Variants in CMTM4 observed in about 807,000 individuals in gnomAD.
CMTM4 encodes the protein CKLF like MARVEL transmembrane domain containing 4.
Under a neutral mutation model 19.0 loss-of-function variants are expected in CMTM4, and 8 were observed. That is an observed-to-expected ratio of 0.42 (90% CI 0.25 to 0.76). The LOEUF (loss-of-function observed/expected upper bound fraction) is 0.76. CMTM4 is among the 30% of genes least tolerant of loss of function. The probability of loss-of-function intolerance (pLI) is 0.27; values close to 1 mark genes in which losing one functional copy is unlikely to be tolerated. For synonymous variants in CMTM4, 106 were observed against 121.1 expected (o/e 0.88, Z 0.82); for missense variants, 228 against 290.2 (o/e 0.79, Z 1.56).
the CMTM4 span, among the ~76,000 whole-genome samples, chr16:66,598,844 T>C: frequency 6.6e-6 from 1 of 152,088 alleles, no homozygotes; most frequent in Non-Finnish European, 1.5e-5. Flanking sequence ...GTTCAGGCTA[T>C]AAAAATTACG....
intron 1 of CMTM4, among the ~76,000 whole-genome samples, chr16:66,668,995 A>G (rs2016655034): frequency 6.6e-6 from 1 of 152,220 alleles, no homozygotes; most frequent in East Asian, 1.9e-4. Flanking sequence ...TATTAACCCC[A>G]GTGAGATAAA....
intron 1 of CMTM4, among the ~76,000 whole-genome samples, chr16:66,689,269 G>A (rs1052204524): frequency 1.3e-5 from 2 of 152,156 alleles, no homozygotes; most frequent in African/African-American, 4.8e-5. Flanking sequence ...AATGTTAGCT[G>A]TAGATTTTTT....
downstream of CMTM4, among the ~76,000 whole-genome samples, chr16:66,614,142 G>A (rs374326703): frequency 1.3e-5 from 2 of 152,226 alleles, no homozygotes; most frequent in South Asian, 4.1e-4. This position sits in a 1 kb window ranked among gnomAD's most constrained non-coding sequence, Gnocchi z 4.9. Context: ...AATCTGACAG[G>A]AGGCAGAGCT....
At chr16:66,613,464 T>G (rs1474006750), downstream of CMTM4, 7 of 295,618 alleles carry the variant, frequency 2.4e-5, no homozygotes, top group Non-Finnish European at 4.5e-5. Flanking sequence ...GACAGTGAAC[T>G]TCCAGACCTC....
At chr16:66,668,939 G>A (rs2144876543) in intron 1 of CMTM4, among the ~76,000 whole-genome samples, 1 of 152,314 alleles carries the variant, frequency 6.6e-6, no homozygotes, top group Middle Eastern at 3.4e-3. Context: ...GCTGTTTCCT[G>A]TACAGTGAAA....
downstream of CMTM4, chr16:66,611,014 C>T (rs1439448771): frequency 1.5e-5 from 6 of 397,718 alleles, no homozygotes; most frequent in African/African-American, 1.2e-4. Context: ...GCAAGTGATC[C>T]CAGACAACCA....
chr16:66,622,222 T>C lies in CMTM4; in HGVS notation c.463A>G (p.Ile155Val), dbSNP rs1368980298. Residue 155 changes from isoleucine to valine, a missense_variant and splice_region_variant, in exon 4 of 4, where the codon ATA becomes GTA. Physicochemically the swap from Ile to Val is conservative, Grantham distance 29. Transcript: ENST00000394106. This position sits in a 1 kb window ranked among gnomAD's most constrained non-coding sequence, Gnocchi z 4.0. ...HRAGAEIAAV[I>V]FGFLATAAYA... Reference sequence around the variant, plus strand: ...GCCGCAGTCGCCAAGAAGCCAAATATCTAAAAACACACCAGCACAGTTAGT... The same window carrying C: ...GCCGCAGTCGCCAAGAAGCCAAATACCTAAAAACACACCAGCACAGTTAGT... 6.2e-7 allele frequency: 1 copy of C among 1,613,590 alleles called. No homozygotes were observed. Among genetic ancestry groups the C allele is most frequent in the Non-Finnish European group, 8.5e-7 (1 of 1,179,894 alleles).
At chr16:66,601,997 T>C in the CMTM4 span, among the ~76,000 whole-genome samples, 3 of 152,304 alleles carry the variant, frequency 2.0e-5, no homozygotes, top group Admixed American at 6.5e-5. Flanking sequence ...AGGCCATGCC[T>C]CCCTGCTGCA....
intron 1 of CMTM4, among the ~76,000 whole-genome samples, chr16:66,685,754 G>A (rs556843454): frequency 4.6e-5 from 7 of 152,138 alleles, no homozygotes; most frequent in South Asian, 2.1e-4. Context: ...AGCGATTCTC[G>A]TGCCTCAGCC....
At chr16:66,667,047 G>A (rs374638522) in intron 1 of CMTM4, among the ~76,000 whole-genome samples, 6 of 152,286 alleles carry the variant, frequency 3.9e-5, no homozygotes, top group Admixed American at 6.5e-5. Context: ...AGTTGGGGCC[G>A]GGCACAGCGG....
chr16:66,638,932 CAAAG>C (rs1320436010), intron 1 of CMTM4, among the ~76,000 whole-genome samples: 1 of 144,590 alleles, frequency 6.9e-6, no homozygotes, highest in Non-Finnish European at 1.5e-5. Flanking sequence ...AAAAAAAAAA[CAAAG>C]GTAAGTATGT....
intron 1 of CMTM4, among the ~76,000 whole-genome samples, chr16:66,658,559 C>T (rs927620111): frequency 2.0e-5 from 3 of 152,084 alleles, no homozygotes; most frequent in Non-Finnish European, 2.9e-5. Flanking sequence ...CTTGGTTCAT[C>T]CAGGGATCCT....
chr16:66,600,006 C>T, the CMTM4 span, among the ~76,000 whole-genome samples: 8 of 151,466 alleles, frequency 5.3e-5, no homozygotes, highest in Middle Eastern at 6.3e-3. Context: ...GCTTATTGGA[C>T]GTTCATATAT....
intron 1 of CMTM4, among the ~76,000 whole-genome samples, chr16:66,691,026 A>C (rs1596968438): frequency 6.6e-6 from 1 of 152,138 alleles, no homozygotes; most frequent in Admixed American, 6.5e-5. Flanking sequence ...CTGAGGCAGG[A>C]GGCTCCCTTG....
chr16:66,636,796 T>C (rs1234918255), intron 1 of CMTM4, among the ~76,000 whole-genome samples: 1 of 152,184 alleles, frequency 6.6e-6, no homozygotes, highest in Non-Finnish European at 1.5e-5. Flanking sequence ...ATTACTAATG[T>C]AAACAGTGAA....
intron 1 of CMTM4, among the ~76,000 whole-genome samples, chr16:66,653,102 G>A (rs371523089): frequency 1.3e-5 from 2 of 152,006 alleles, no homozygotes; most frequent in Non-Finnish European, 2.9e-5. Flanking sequence ...AAGCAGTGTC[G>A]CATCCCCAGA....
chr16:66,608,517 G>A, the CMTM4 span: 2 of 1,579,906 alleles, frequency 1.3e-6, no homozygotes, highest in Non-Finnish European at 1.7e-6. This position sits in a 1 kb window ranked among gnomAD's most constrained non-coding sequence, Gnocchi z 5.1. Context: ...GTGGCCAGAT[G>A]AGGAGTCCAG....
chr16:66,620,964 A>T lies in CMTM4; in HGVS notation c.*1094T>A, dbSNP rs758569738. 1 of 985,756 alleles carries T rather than the reference A, an allele frequency of 1.0e-6. No individual in the cohort carries two copies. The highest frequency in any genetic ancestry group is 1.7e-5 in the African/African-American group (1 of 57,246). The allele number at this position is 985,756 out of a possible 1,614,324, so 61.1% of individuals were successfully genotyped here. A position where few individuals can be genotyped will look rare whatever the true frequency, so the allele number is the denominator to read the frequency against. On this transcript the variant is annotated 3_prime_UTR_variant, in exon 4 of 4. Transcript: ENST00000394106. Reference sequence around the variant, plus strand: ...TTCCCCCCAACAACTCCCAAGAATGATGTCTACAGTTATGACACTGAGGCG... The same window carrying T: ...TTCCCCCCAACAACTCCCAAGAATGTTGTCTACAGTTATGACACTGAGGCG...
At chr16:66,663,607 A>G (rs960631992) in intron 1 of CMTM4, among the ~76,000 whole-genome samples, 14 of 122,690 alleles carry the variant, frequency 1.1e-4, no homozygotes, top group African/African-American at 4.5e-4. Flanking sequence ...CAGTGGTGCG[A>G]TCTTGGCTCA....
Sources: allele counts gnomAD v4.1 joint callset (sites outside exome capture counted in the v4.1 genomes callset), GRCh38; gene constraint gnomAD v4.1.1; non-coding constraint Gnocchi (gnomAD v3.1); transcripts MANE v1.5; gene names NCBI Gene and HGNC (gene_info 2026-07-23, HGNC 2026-07-21).